Variants in CST7 observed in about 807,000 individuals in gnomAD.
CST7 encodes cystatin F, also known as cystatin-F.
Under a neutral mutation model 13.1 loss-of-function variants are expected in CST7, and 15 were observed. The observed-to-expected ratio is 1.14, with a 90% CI of 0.77 to 1.76. CST7 has a LOEUF of 1.76. Ranked by LOEUF, CST7 falls within the 40% of genes most tolerant of loss-of-function variation. The probability of loss-of-function intolerance (pLI) is 0.00; values close to 1 mark genes in which losing one functional copy is unlikely to be tolerated. For synonymous variants in CST7, 75 were observed against 66.9 expected (o/e 1.12, Z -0.59); for missense variants, 193 against 178.8 (o/e 1.08, Z -0.45).
rs777518432 is a variant in CST7 at position 24,957,368 on chromosome 20, A to C, written c.152A>C (p.Gln51Pro). The change falls in exon 2 of 4, where the codon CAA becomes CCA. Residue 51 changes from glutamine to proline, a missense_variant. Transcript: ENST00000480798. The part of the protein sequence containing the change: ...TIKTNDPGVL[Q>P]AARYSVEKFN... ...AAGACCAATGACCCAGGAGTCCTCC[A>C]AGCAGCCAGATACAGTGTTGAAAAG... is the stretch of plus-strand genomic sequence containing the variant. 6.2e-7 allele frequency: 1 copy of C among 1,613,800 alleles called. No homozygotes were observed. Among genetic ancestry groups the C allele is most frequent in the East Asian group, 2.2e-5 (1 of 44,872 alleles).
chr20:24,956,446 C>A (rs2087854815), intron 1 of CST7, among the ~76,000 whole-genome samples: 1 of 152,212 alleles, frequency 6.6e-6, no homozygotes, highest in African/African-American at 2.4e-5. Flanking sequence ...CGTCCTGCAG[C>A]CTCAGGCACA....
chr20:24,957,012 AGGGGGGCAGGTGAGGGGAGC>A (rs2087859932), intron 1 of CST7, among the ~76,000 whole-genome samples: 2 of 6,442 alleles, frequency 3.1e-4, no homozygotes, highest in Admixed American at 1.5e-3. Context: ...GGGGCAGGTG[AGGGGGGCAGGTGAGGGGAGC>A]AGGTGAGAGG....
At position 24,955,205 on chromosome 20, in the gene CST7, A is replaced by G. The variant is rs371714458; in HGVS notation, c.71-2082A>G. ...GTTTTTTGTTTTAACTAAAAGCCAC[A>G]TTCAACTTCCTGTCATCAACAAGCA... On this transcript the variant is annotated intron_variant, in intron 1 of 3. Coordinates refer to ENST00000480798, the MANE Select transcript of CST7 (RefSeq NM_003650.4). Among the ~76,000 whole-genome samples, 277 of 152,284 alleles carry G rather than the reference A, an allele frequency of 1.8e-3. 1 individual carries two copies. Among genetic ancestry groups the G allele is most frequent in the African/African-American group, 6.4e-3 (268 of 41,564 alleles).
At chr20:24,959,119 C>T in intron 3 of CST7, 75 bp downstream of exon 3, 3 of 1,192,714 alleles carry the variant, frequency 2.5e-6, no homozygotes, top group Non-Finnish European at 3.7e-6. Flanking sequence ...GTGAAAAACA[C>T]CGTCACCACG....
At chr20:24,950,619 C>G (rs1038149526) in intron 1 of CST7, among the ~76,000 whole-genome samples, 1 of 152,198 alleles carries the variant, frequency 6.6e-6, no homozygotes, top group Non-Finnish European at 1.5e-5. Context: ...CCGCCACCAG[C>G]TCTGGGTAGT....
At chr20:24,957,165 TG>T in intron 1 of CST7, 121 bp from the exon 2 acceptor site, 1 of 718,636 alleles carries the variant, frequency 1.4e-6, no homozygotes, top group Non-Finnish European at 1.9e-6. Context: ...AGGTGAGGGG[TG>T]GGTAGGGCCA....
chr20:24,959,057 G>C lies in CST7; in HGVS notation c.360+13G>C, dbSNP rs1225360247. 1 of 1,595,038 alleles carries C rather than the reference G, an allele frequency of 6.3e-7. No homozygotes were observed. The highest frequency in any genetic ancestry group is 2.2e-5 in the East Asian group (1 of 44,766). On this transcript the variant is annotated intron_variant, in intron 3 of 3. Coordinates refer to ENST00000480798, the MANE Select transcript of CST7 (RefSeq NM_003650.4). ...CACCTTGAAGCAGGTAAAGCAGCAGGCCCTTCTCTCAGATGTGCCCTCTCT... is the reference window on the plus strand; with the variant it reads ...CACCTTGAAGCAGGTAAAGCAGCAGCCCCTTCTCTCAGATGTGCCCTCTCT...
intron 1 of CST7, among the ~76,000 whole-genome samples, chr20:24,953,568 T>G (rs759821123): frequency 6.6e-6 from 1 of 152,188 alleles, no homozygotes; most frequent in Non-Finnish European, 1.5e-5. Context: ...TGTGACCATG[T>G]GTCCTGGGGC....
At chr20:24,957,673 C>T (rs905227497) in intron 2 of CST7, among the ~76,000 whole-genome samples, 7 of 152,154 alleles carry the variant, frequency 4.6e-5, no homozygotes, top group Non-Finnish European at 1.0e-4. Flanking sequence ...ACAAAGCACA[C>T]GGCTCCTGGG....
intron 2 of CST7, 147 bp downstream of exon 2, chr20:24,957,606 G>A (rs1160552789): frequency 6.3e-6 from 5 of 794,110 alleles, no homozygotes; most frequent in Non-Finnish European, 1.0e-5. Context: ...CACAAGGGGT[G>A]GGAGTGGACA....
intron 1 of CST7, among the ~76,000 whole-genome samples, chr20:24,956,662 G>T (rs11905832): frequency 6.6e-6 from 1 of 152,046 alleles, no homozygotes. Context: ...GCTGCAGGCT[G>T]CCAGGAGGGG....
chr20:24,954,861 G>C (rs1355009026), intron 1 of CST7, among the ~76,000 whole-genome samples: 1 of 152,020 alleles, frequency 6.6e-6, no homozygotes, highest in Non-Finnish European at 1.5e-5. Context: ...TTTTAAAAAA[G>C]TTAATAGTGG....
Position 24,958,983 on chromosome 20 carries a change from A to G in CST7, c.299A>G (p.Lys100Arg). 6.2e-7 allele frequency: 1 copy of G among 1,614,064 alleles called. No individual in the cohort carries two copies. Among genetic ancestry groups the G allele is most frequent in the Middle Eastern group, 1.7e-4 (1 of 6,058 alleles). ...GTGGAAATTGGCAGAACTACCTGCA[A>G]GAAAAACCAGCACCTGCGTCTGGAT... ...LEVEIGRTTC[K>R]KNQHLRLDDC... The change falls in exon 3 of 4, where the codon AAG becomes AGG. Residue 100 changes from lysine to arginine, a missense_variant. Coordinates refer to ENST00000480798, the MANE Select transcript of CST7 (RefSeq NM_003650.4).
intron 1 of CST7, among the ~76,000 whole-genome samples, chr20:24,953,158 C>T (rs1431321965): frequency 2.6e-5 from 4 of 152,226 alleles, no homozygotes; most frequent in African/African-American, 9.6e-5. Flanking sequence ...GGTCCTCGGG[C>T]ACCCGGACAG....
intron 1 of CST7, among the ~76,000 whole-genome samples, chr20:24,952,545 G>A (rs2087826758): frequency 1.3e-5 from 2 of 152,226 alleles, no homozygotes; most frequent in East Asian, 3.9e-4. Context: ...TTGGGGTGAA[G>A]CGTCTCCAGG....
chr20:24,949,933 G>C (rs1236034140), intron 1 of CST7, among the ~76,000 whole-genome samples: 1 of 152,230 alleles, frequency 6.6e-6, no homozygotes, highest in African/African-American at 2.4e-5. Context: ...CCTGTGGTTA[G>C]CCGCTTCTAT....
chr20:24,958,816 T>C (rs578050978), intron 2 of CST7, 112 bp from the exon 3 acceptor site: 1 of 773,152 alleles, frequency 1.3e-6, no homozygotes, highest in Admixed American at 1.9e-5. Flanking sequence ...CTGGCCCACT[T>C]CCCTTCTCCT....
In CST7 at chr20:24,957,386, T is replaced by C. The variant is rs1271323171; in HGVS notation, c.170T>C (p.Val57Ala). Reference protein sequence around the residue: ...PGVLQAARYSVEKFNNCTNDM... With the variant: ...PGVLQAARYSAEKFNNCTNDM... ...GTCCTCCAAGCAGCCAGATACAGTG[T>C]TGAAAAGTTCAACAACTGCACGAAC... Residue 57 changes from valine to alanine, a missense_variant, in exon 2 of 4, where the codon GTT becomes GCT. Coordinates refer to ENST00000480798, the MANE Select transcript of CST7 (RefSeq NM_003650.4). 8 of 1,613,718 alleles carry C rather than the reference T, an allele frequency of 5.0e-6. No individual in the cohort carries two copies. The highest frequency in any genetic ancestry group is 2.2e-5 in the South Asian group (2 of 91,074).
chr20:24,950,886 G>A (rs997935230), intron 1 of CST7, among the ~76,000 whole-genome samples: 14 of 152,270 alleles, frequency 9.2e-5, no homozygotes, highest in African/African-American at 3.4e-4. Flanking sequence ...CCAGAGAAGT[G>A]GCTCGTTCTC....
Sources: allele counts gnomAD v4.1 joint callset (sites outside exome capture counted in the v4.1 genomes callset), GRCh38; gene constraint gnomAD v4.1.1; transcripts MANE v1.5; gene names NCBI Gene and HGNC (gene_info 2026-07-23, HGNC 2026-07-21).